Variants in FRMD3 observed in about 807,000 individuals in gnomAD.
FRMD3 encodes the protein FERM domain containing 3.
A neutral mutation model predicts 70.2 loss-of-function variants in FRMD3; 33 were observed. That is an observed-to-expected ratio of 0.47 (90% CI 0.36 to 0.63). FRMD3 has a LOEUF of 0.63. Ranked by LOEUF, FRMD3 falls within the 20% of genes least tolerant of loss-of-function variation. The pLI, the probability that FRMD3 is intolerant of heterozygous loss-of-function variation, is 0.00. For synonymous variants in FRMD3, 279 were observed against 255.9 expected (o/e 1.09, Z -0.86); for missense variants, 632 against 711.4 (o/e 0.89, Z 1.27).
the FRMD3 span, among the ~76,000 whole-genome samples, chr9:83,549,606 C>T: frequency 6.6e-6 from 1 of 152,138 alleles, no homozygotes; most frequent in Non-Finnish European, 1.5e-5. Context: ...ACCTTGCCAG[C>T]ATCAGTTATT....
chr9:83,564,324 C>T, the FRMD3 span, among the ~76,000 whole-genome samples: 2 of 152,180 alleles, frequency 1.3e-5, no homozygotes, highest in East Asian at 3.9e-4. Flanking sequence ...GTCCACCTAA[C>T]TAGGAAGAAG....
chr9:83,500,821 G>A (rs1829052625), intron 1 of FRMD3, among the ~76,000 whole-genome samples: 1 of 152,182 alleles, frequency 6.6e-6, no homozygotes, highest in African/African-American at 2.4e-5. Flanking sequence ...GTGGAGAATA[G>A]GGGTTAGCTT....
chr9:83,270,081 C>T (rs1833481801), intron 13 of FRMD3, among the ~76,000 whole-genome samples: 1 of 152,224 alleles, frequency 6.6e-6, no homozygotes, highest in South Asian at 2.1e-4. Flanking sequence ...GCACAGTGAG[C>T]ATTGTTCTGG....
At chr9:83,292,965 G>A (rs1450412052) in intron 12 of FRMD3, among the ~76,000 whole-genome samples, 1 of 152,212 alleles carries the variant, frequency 6.6e-6, no homozygotes, top group Admixed American at 6.5e-5. Flanking sequence ...TTTATGTGCT[G>A]TAGCCACAGC....
chr9:83,582,792 T>C, the FRMD3 span, among the ~76,000 whole-genome samples: 1 of 152,212 alleles, frequency 6.6e-6, no homozygotes, highest in Non-Finnish European at 1.5e-5. Flanking sequence ...ATTTATGGTG[T>C]CAGTGACTCT....
At chr9:83,414,798 C>T (rs1479294121) in intron 1 of FRMD3, among the ~76,000 whole-genome samples, 1 of 152,130 alleles carries the variant, frequency 6.6e-6, no homozygotes, top group African/African-American at 2.4e-5. Context: ...CTTCATGCCT[C>T]CTGATTTGTT....
intron 1 of FRMD3, among the ~76,000 whole-genome samples, chr9:83,489,897 A>G (rs1480989255): frequency 6.6e-6 from 1 of 152,222 alleles, no homozygotes; most frequent in African/African-American, 2.4e-5. Flanking sequence ...ACTTTTGTTC[A>G]GCCTCGAAGG....
chr9:83,541,807 A>G (rs1361025824), upstream of FRMD3, among the ~76,000 whole-genome samples: 1 of 152,226 alleles, frequency 6.6e-6, no homozygotes, highest in African/African-American at 2.4e-5. Context: ...GCATCCAACT[A>G]GGACTCAATT....
chr9:83,345,303 G>A (rs1470680084), intron 4 of FRMD3, among the ~76,000 whole-genome samples: 1 of 152,094 alleles, frequency 6.6e-6, no homozygotes, highest in Admixed American at 6.5e-5. Flanking sequence ...TATGCATTCT[G>A]TCAAAGGAAC....
At chr9:83,310,431 A>T in intron 9 of FRMD3, 54 bp downstream of exon 9, 1 of 1,371,450 alleles carries the variant, frequency 7.3e-7, no homozygotes. Flanking sequence ...TTTACTCCTG[A>T]ATCTCTCTCA....
the FRMD3 span, among the ~76,000 whole-genome samples, chr9:83,562,126 C>T: frequency 6.6e-6 from 1 of 152,176 alleles, no homozygotes; most frequent in Non-Finnish European, 1.5e-5. Flanking sequence ...TGAACACTCA[C>T]AGAACGAGCT....
At chr9:83,403,419 A>G (rs1826009899) in intron 1 of FRMD3, among the ~76,000 whole-genome samples, 1 of 152,114 alleles carries the variant, frequency 6.6e-6, no homozygotes, top group Non-Finnish European at 1.5e-5. Flanking sequence ...CTGCTGGGAT[A>G]ATGTTTTAAA....
chr9:83,398,723 A>C (rs1825871596), intron 1 of FRMD3, among the ~76,000 whole-genome samples: 1 of 152,244 alleles, frequency 6.6e-6, no homozygotes, highest in African/African-American at 2.4e-5. Flanking sequence ...TTAGAGTAAT[A>C]ATTAGTAGCT....
At chr9:83,311,380 G>T (rs925175454) in intron 8 of FRMD3, among the ~76,000 whole-genome samples, 1 of 151,964 alleles carries the variant, frequency 6.6e-6, no homozygotes, top group Non-Finnish European at 1.5e-5. Flanking sequence ...CTCCACGTTT[G>T]CTCTGTGAGC....
At chr9:83,335,486 C>G (rs1266616405) in intron 6 of FRMD3, 30 bp downstream of exon 6, 1 of 1,581,666 alleles carries the variant, frequency 6.3e-7, no homozygotes, top group Non-Finnish European at 8.7e-7. Context: ...TCCCCTTTAT[C>G]ATTTTCACAA....
intron 1 of FRMD3, among the ~76,000 whole-genome samples, chr9:83,491,864 C>T (rs1020654010): frequency 6.6e-6 from 1 of 152,146 alleles, no homozygotes; most frequent in African/African-American, 2.4e-5. Context: ...TTTGCAGCAC[C>T]AAATTCAGGA....
chr9:83,528,682 A>C (rs942992200), intron 1 of FRMD3, among the ~76,000 whole-genome samples: 2 of 152,070 alleles, frequency 1.3e-5, no homozygotes, highest in African/African-American at 4.8e-5. Context: ...GGCACGCACC[A>C]AGCCCAGCTA....
chr9:83,405,911 G>A (rs1200276658), intron 1 of FRMD3, among the ~76,000 whole-genome samples: 4 of 152,086 alleles, frequency 2.6e-5, no homozygotes, highest in Non-Finnish European at 5.9e-5. Context: ...CCGTCCTGAC[G>A]AAAATTCTGC....
chr9:83,348,914 C>T (rs954650362), intron 4 of FRMD3, among the ~76,000 whole-genome samples: 1 of 152,196 alleles, frequency 6.6e-6, no homozygotes, highest in African/African-American at 2.4e-5. Context: ...AAACCTCCCC[C>T]TGCCAATGAT....
Sources: allele counts gnomAD v4.1 joint callset (sites outside exome capture counted in the v4.1 genomes callset), GRCh38; gene constraint gnomAD v4.1.1; transcripts MANE v1.5; gene names NCBI Gene and HGNC (gene_info 2026-07-23, HGNC 2026-07-21).